SLC12A2: variants seen among roughly 807,000 people sequenced by gnomAD.
The protein encoded by SLC12A2 is Na-K-2Cl cotransporter 1.
A neutral mutation model predicts 136.3 loss-of-function variants in SLC12A2; 67 were observed. The ratio of observed to expected loss-of-function variants is 0.49; its 90% CI spans 0.40 to 0.60. The LOEUF is 0.60. SLC12A2 is among the 20% of genes least tolerant of loss of function. SLC12A2 has a pLI of 0.00. For missense variants in SLC12A2, 1,322 were observed against 1,534.7 expected (o/e 0.86, Z 2.32); for synonymous variants, 619 against 562.9 (o/e 1.10, Z -1.41).
At chr5:128,114,772 G>A in intron 4 of SLC12A2, 91 bp downstream of exon 4, 1 of 794,232 alleles carries the variant, frequency 1.3e-6, no homozygotes, top group African/African-American at 1.7e-5. Flanking sequence ...TACTTTAACT[G>A]AAGCAACATA....
At position 128,084,431 on chromosome 5, in the gene SLC12A2, T is replaced by C; in HGVS notation, c.477T>C (p.Ala159=). The part of the protein sequence containing the change: ...SSSAEDSLSD[A]AGVGVDGPNV... ...CGGCTGAAGACAGCCTGTCAGATGCTGCCGGGGTCGGAGTCGACGGGCCCA... is the reference window on the plus strand; with the variant it reads ...CGGCTGAAGACAGCCTGTCAGATGCCGCCGGGGTCGGAGTCGACGGGCCCA... The change falls in exon 1 of 27, where the codon GCT becomes GCC. Residue 159 remains alanine (A), a synonymous_variant. Transcript: ENST00000262461. This position sits in a 1 kb window ranked among gnomAD's most constrained non-coding sequence, Gnocchi z 5.6. 6.2e-7 allele frequency: 1 copy of C among 1,612,310 alleles called. No homozygotes were observed. The highest frequency in any genetic ancestry group is 8.5e-7 in the Non-Finnish European group (1 of 1,179,390).
At chr5:128,173,289 A>G (rs1419966757) in intron 19 of SLC12A2, among the ~76,000 whole-genome samples, 3 of 152,186 alleles carry the variant, frequency 2.0e-5, no homozygotes, top group African/African-American at 4.8e-5. Context: ...TACTATTTCA[A>G]TTATTTCTTG....
intron 4 of SLC12A2, among the ~76,000 whole-genome samples, chr5:128,128,721 T>A (rs1393718375): frequency 6.6e-6 from 1 of 151,742 alleles, no homozygotes; most frequent in Non-Finnish European, 1.5e-5. Flanking sequence ...AAGTTAAATG[T>A]GTAGTATTTA....
At position 128,105,595 on chromosome 5, in the gene SLC12A2, C is replaced by T. The variant is rs529086242; in HGVS notation, c.757-7219C>T. Among the ~76,000 whole-genome samples the T allele has an allele frequency of 9.2e-5, 14 of 152,222 alleles. No individual in the cohort carries two copies. In the South Asian group the frequency reaches 2.7e-3, roughly 29 times the overall value. ...TAAGAATGTGCTGCACTATTAGAAA[C>T]TTTGGCAAGAGTCAGAGTGCAGTAA... On this transcript the variant is annotated intron_variant, in intron 1 of 26. Transcript: ENST00000262461.
At chr5:128,156,272 T>C (rs1762867563) in intron 15 of SLC12A2, among the ~76,000 whole-genome samples, 2 of 152,190 alleles carry the variant, frequency 1.3e-5, no homozygotes, top group African/African-American at 2.4e-5. Flanking sequence ...TTTTCTGATT[T>C]GTCAAATCCT....
At chr5:128,161,134 C>G (rs1158484321) in intron 16 of SLC12A2, among the ~76,000 whole-genome samples, 1 of 152,052 alleles carries the variant, frequency 6.6e-6, no homozygotes, top group East Asian at 1.9e-4. Flanking sequence ...TTGCAAGGAT[C>G]AAAATAAGAG....
Position 128,187,837 on chromosome 5 carries a change from T to C in SLC12A2, c.*1206T>C, listed in dbSNP as rs543502860. Reference sequence around the variant, plus strand: ...AAATGTCTGTTTTGACATCATAGTCTAGTAAAATTTTGACAGTGCATATGT... The same window carrying C: ...AAATGTCTGTTTTGACATCATAGTCCAGTAAAATTTTGACAGTGCATATGT... On this transcript the variant is annotated 3_prime_UTR_variant, in exon 27 of 27. Transcript: ENST00000262461. The C allele has an allele frequency of 2.0e-5, 3 of 152,634 alleles. No individual in the cohort carries two copies. Among genetic ancestry groups the C allele is most frequent in the Non-Finnish European group, 2.9e-5 (2 of 68,024 alleles). 9.5% of individuals were successfully genotyped at this position (152,634 alleles called of 1,614,324 possible).
At chr5:128,148,682 A>G in intron 11 of SLC12A2, 72 bp from the exon 12 acceptor site, 2 of 1,256,476 alleles carry the variant, frequency 1.6e-6, no homozygotes, top group Non-Finnish European at 2.2e-6. Context: ...TTCCTGATTA[A>G]CCTATTAGAA....
At chr5:128,126,169 C>T (rs1761786719) in intron 4 of SLC12A2, among the ~76,000 whole-genome samples, 2 of 152,148 alleles carry the variant, frequency 1.3e-5, no homozygotes, top group South Asian at 4.1e-4. Flanking sequence ...ATGCCAATTT[C>T]TGCCCAAAAA....
intron 16 of SLC12A2, among the ~76,000 whole-genome samples, chr5:128,158,436 A>C (rs549167226): frequency 6.6e-6 from 1 of 152,130 alleles, no homozygotes; most frequent in South Asian, 2.1e-4. Context: ...CCCACTTAGA[A>C]GTGTGAACAT....
intron 10 of SLC12A2, among the ~76,000 whole-genome samples, chr5:128,142,734 G>A (rs1341507711): frequency 6.6e-6 from 1 of 151,920 alleles, no homozygotes; most frequent in Admixed American, 6.6e-5. Flanking sequence ...TAAGTTTTGA[G>A]GTCAGGTAGA....
At chr5:128,108,801 A>G (rs567038696) in intron 1 of SLC12A2, among the ~76,000 whole-genome samples, 29 of 152,322 alleles carry the variant, frequency 1.9e-4, no homozygotes, top group African/African-American at 7.0e-4. Context: ...ATATCTCAAT[A>G]TAGCTTAATA....
intron 7 of SLC12A2, among the ~76,000 whole-genome samples, chr5:128,137,434 G>A (rs904294235): frequency 1.3e-5 from 2 of 151,988 alleles, no homozygotes; most frequent in African/African-American, 4.8e-5. Context: ...TATTTGCTTA[G>A]CCTTCTGTAA....
intron 15 of SLC12A2, 105 bp from the exon 16 acceptor site, chr5:128,157,948 T>C: frequency 1.2e-6 from 1 of 840,190 alleles, no homozygotes; most frequent in African/African-American, 1.7e-5. Context: ...GGCCTGTGTC[T>C]TAAGGACAGT....
intron 4 of SLC12A2, among the ~76,000 whole-genome samples, chr5:128,115,996 G>C (rs1481478894): frequency 6.6e-6 from 1 of 152,166 alleles, no homozygotes; most frequent in Non-Finnish European, 1.5e-5. Flanking sequence ...GCTATATTGG[G>C]ATATACAGTG....
At chr5:128,129,913 A>G (rs1255669586) in intron 4 of SLC12A2, among the ~76,000 whole-genome samples, 1 of 152,196 alleles carries the variant, frequency 6.6e-6, no homozygotes. Flanking sequence ...TTAAGTTAGA[A>G]AAAATAACTT....
At chr5:128,133,319 A>T (rs999652620) in intron 5 of SLC12A2, among the ~76,000 whole-genome samples, 1 of 152,000 alleles carries the variant, frequency 6.6e-6, no homozygotes, top group Non-Finnish European at 1.5e-5. Flanking sequence ...GCATCTTTGG[A>T]TCTTTGGATC....
intron 4 of SLC12A2, among the ~76,000 whole-genome samples, chr5:128,114,911 G>A (rs1352621976): frequency 2.0e-5 from 3 of 152,148 alleles, no homozygotes; most frequent in African/African-American, 4.8e-5. Flanking sequence ...CAAGAATGGA[G>A]CATCTACTTT....
At chr5:128,099,940 G>A (rs923113704) in intron 1 of SLC12A2, among the ~76,000 whole-genome samples, 20 of 152,010 alleles carry the variant, frequency 1.3e-4, no homozygotes. Flanking sequence ...TTTTAAGTAA[G>A]TAGAAGTAAG....
Sources: gnomAD v4.1 joint callset for allele counts (sites outside exome capture counted in the v4.1 genomes callset) on GRCh38, gnomAD v4.1.1 for gene constraint, Gnocchi (gnomAD v3.1) non-coding constraint, MANE v1.5 for transcripts, NCBI Gene and HGNC (gene_info 2026-07-23, HGNC 2026-07-21) for gene names.